Variants in CAPN15 observed in about 807,000 individuals in gnomAD.
The protein encoded by CAPN15 is calpain 15, also known as calpain-15.
Under a neutral mutation model 97.9 loss-of-function variants are expected in CAPN15, and 53 were observed. That is an observed-to-expected ratio of 0.54 (90% confidence interval 0.43 to 0.68). The LOEUF (loss-of-function observed/expected upper bound fraction) is 0.68. Ranked by LOEUF, CAPN15 falls within the 30% of genes least tolerant of loss-of-function variation. The pLI, the probability that CAPN15 is intolerant of heterozygous loss-of-function variation, is 0.00. For missense variants in CAPN15, 1,592 were observed against 1,589.8 expected (o/e 1.00, Z -0.02); for synonymous variants, 922 against 722.5 (o/e 1.28, Z -4.43).
At chr16:546,171 C>T (rs190006529) in intron 3 of CAPN15, among the ~76,000 whole-genome samples, 11 of 152,390 alleles carry the variant, frequency 7.2e-5, no homozygotes, top group Admixed American at 7.2e-4. Context: ...GTTCGCTCGG[C>T]TCCACAGAAC....
At chr16:550,271 C>T (rs555232961) in intron 7 of CAPN15, among the ~76,000 whole-genome samples, 7 of 152,326 alleles carry the variant, frequency 4.6e-5, no homozygotes, top group South Asian at 2.1e-4. Flanking sequence ...TTGAAGCTCC[C>T]GGAGCCCTCC....
chr16:553,002 G>C lies in CAPN15; in HGVS notation c.3044G>C (p.Gly1015Ala). 1 of 1,608,982 alleles carries C rather than the reference G, an allele frequency of 6.2e-7. No homozygotes were observed. The highest frequency in any genetic ancestry group is 8.5e-7 in the Non-Finnish European group (1 of 1,177,992). ...TDSFNVVSTR[G>A]SLRTQDSVPP... ...AGCTTCAACGTGGTGTCCACACGCG[G>C]CAGCCTGCGTACCCAGGATAGCGTG... Residue 1015 changes from glycine to alanine, a missense_variant, in exon 13 of 14, where the codon GGC (glycine) becomes GCC (alanine). Gly to Ala is a moderately conservative substitution (Grantham distance 60). Transcript: ENST00000219611.
chr16:530,728 G>A (rs868298361), intron 1 of CAPN15, among the ~76,000 whole-genome samples: 41 of 152,336 alleles, frequency 2.7e-4, no homozygotes, highest in South Asian at 1.4e-3. Context: ...CAGGGTGCAC[G>A]GAATGGGGTC....
chr16:553,026 TGCCACCCC>T lies in CAPN15; in HGVS notation c.3069_3076del (p.Pro1024AlafsTer35). On this transcript the variant is annotated frameshift_variant, in exon 13 of 14. Transcript: ENST00000219611. LOFTEE classifies it high-confidence loss of function. ...GGCAGCCTGCGTACCCAGGATAGCG[TGCCACCCC>T]TGCACAGGTGCGCCCCCGCCCCTGC... 1 of 1,584,322 alleles carries T rather than the reference TGCCACCCC, an allele frequency of 6.3e-7. No homozygotes were observed.
In CAPN15 at chr16:547,368, T is replaced by C; in HGVS notation, c.530T>C (p.Ile177Thr). ...GGPRRLSLPR[I>T]PPEALVVPEV... is the part of the protein sequence containing the mutation. ...CCACGCAGGCTCTCGCTGCCACGGA[T>C]CCCTCCTGAGGCCCTGGTGGTCCCG... Residue 177 changes from isoleucine (I) to threonine (T), a missense_variant, in exon 4 of 14, where the codon ATC becomes ACC. Ile to Thr is a moderately conservative substitution (Grantham distance 89). Around this residue, in one of 3 missense-constraint regions of CAPN15, gnomAD observed 883 missense variants for 776.6 expected, o/e 1.14. Coordinates refer to ENST00000219611, the MANE Select transcript of CAPN15 (RefSeq NM_005632.3). The C allele has an allele frequency of 1.3e-6, 2 of 1,552,934 alleles. No homozygotes were observed. The highest frequency in any genetic ancestry group is 1.7e-6 in the Non-Finnish European group (2 of 1,156,390).
intron 9 of CAPN15, 31 bp downstream of exon 9, chr16:551,695 G>GC: frequency 2.5e-6 from 4 of 1,576,702 alleles, no homozygotes; most frequent in Non-Finnish European, 3.4e-6. Flanking sequence ...TGTGCACGCC[G>GC]CCCCCGCCCT....
intron 1 of CAPN15, among the ~76,000 whole-genome samples, chr16:531,451 C>T (rs944430461): frequency 3.9e-5 from 6 of 152,128 alleles, no homozygotes; most frequent in Non-Finnish European, 8.8e-5. Flanking sequence ...CCCCCCACCT[C>T]CCTGTCCCCT....
intron 3 of CAPN15, chr16:538,463 G>A (rs1169391778): frequency 6.6e-6 from 1 of 152,288 alleles, no homozygotes; most frequent in Non-Finnish European, 1.5e-5. Context: ...GGATGGCAGG[G>A]TCTCCAGGGT....
intron 3 of CAPN15, chr16:537,272 G>A: frequency 2.0e-6 from 2 of 985,564 alleles, no homozygotes; most frequent in Non-Finnish European, 1.2e-6. Context: ...AAGGTTTTCT[G>A]AGTGAGCGCA....
At chr16:537,170 A>G (rs1044068135) in intron 3 of CAPN15, 12 of 985,318 alleles carry the variant, frequency 1.2e-5, no homozygotes, top group Non-Finnish European at 1.4e-5. Context: ...ACGGGAGGGG[A>G]CTGTGCTGTC....
Position 552,808 on chromosome 16 carries a change from G to T in CAPN15, c.2904+37G>T. Reference sequence around the variant, plus strand: ...TCCCGGGGGAGGGTGGCGTGGGGCAGGGGGAGTATGCCCCAGCACCTCCCC... The same window carrying T: ...TCCCGGGGGAGGGTGGCGTGGGGCATGGGGAGTATGCCCCAGCACCTCCCC... On this transcript the variant is annotated intron_variant, in intron 12 of 13. Transcript: ENST00000219611. The surrounding 1 kb of genome is among the most constrained non-coding windows in gnomAD (Gnocchi z 6.4). The T allele has an allele frequency of 6.5e-7, 1 of 1,532,546 alleles. No individual in the cohort carries two copies. The highest frequency in any genetic ancestry group is 2.4e-5 in the East Asian group (1 of 41,536). The allele number at this position is 1,532,546 out of a possible 1,614,324, so 94.9% of individuals were successfully genotyped here.
intron 3 of CAPN15, chr16:538,267 T>C (rs1229802658): frequency 6.6e-6 from 1 of 151,592 alleles, no homozygotes; most frequent in Non-Finnish European, 1.5e-5. Flanking sequence ...CTGAATTTCA[T>C]GGAACTCCCA....
At chr16:533,907 T>C (rs2033459364) in intron 1 of CAPN15, 39 bp from the exon 2 acceptor site, 1 of 974,076 alleles carries the variant, frequency 1.0e-6, no homozygotes, top group Non-Finnish European at 1.2e-6. Flanking sequence ...GTCCTCCTGG[T>C]GGAAGCTGAG....
At position 547,601 on chromosome 16, in the gene CAPN15, C is replaced by A; in HGVS notation, c.763C>A (p.Leu255Met). 6.4e-7 allele frequency: 1 copy of A among 1,574,354 alleles called. No homozygotes were observed. The highest frequency in any genetic ancestry group is 8.6e-7 in the Non-Finnish European group (1 of 1,162,090). ...CAGCCGACGCGAGGTTCCCCCCCAG[C>A]TGCAGCCACCGGTGCCTGAGGCTGC... is the stretch of plus-strand genomic sequence containing the variant. ...PRSRREVPPQ[L>M]QPPVPEAAQP... The change falls in exon 4 of 14, where the codon CTG becomes ATG. Residue 255 changes from leucine (L) to methionine (M), a missense_variant. By Grantham distance (15) the Leu-to-Met change is conservative. Coordinates refer to ENST00000219611, the MANE Select transcript of CAPN15 (RefSeq NM_005632.3).
At position 552,021 on chromosome 16, in the gene CAPN15, C is replaced by T. The variant is rs1235933170; in HGVS notation, c.2346-30C>T. On this transcript the variant is annotated intron_variant, in intron 9 of 13. Transcript: ENST00000219611. The surrounding 1 kb of genome is among the most constrained non-coding windows in gnomAD (Gnocchi z 6.4). ...CCACGGAGGTGTGGGCCGTGGTAGG[C>T]TCAGGGCCCCGTCCTCCCGCCACCT... is the stretch of plus-strand genomic sequence containing the variant. The T allele has an allele frequency of 2.6e-6, 4 of 1,544,716 alleles. No individual in the cohort carries two copies. Among genetic ancestry groups the T allele is most frequent in the South Asian group, 2.4e-5 (2 of 83,578 alleles).
intron 3 of CAPN15, among the ~76,000 whole-genome samples, chr16:542,232 A>G (rs909507330): frequency 2.0e-5 from 3 of 152,246 alleles, no homozygotes; most frequent in Non-Finnish European, 4.4e-5. Flanking sequence ...TTCTGTGGAC[A>G]ATGCTGTGAA....
rs752289121 is a variant in CAPN15, at chr16:547,797, ACAT to A, written c.963_965del (p.Ile322del). 5 of 1,612,010 alleles carry A rather than the reference ACAT, an allele frequency of 3.1e-6. No individual in the cohort carries two copies. The highest frequency in any genetic ancestry group is 4.2e-6 in the Non-Finnish European group (5 of 1,179,656). ...GCCGGCAGCTCCACCTCGGGCAGTG[ACAT>A]CATTGACCTGGCCGGAGACACCGTG... On this transcript the variant is annotated inframe_deletion, in exon 4 of 14. Coordinates refer to ENST00000219611, the MANE Select transcript of CAPN15 (RefSeq NM_005632.3).
rs1443632120 is a variant in CAPN15, at chr16:549,729, G to A, written c.1957G>A (p.Gly653Ser). The A allele has an allele frequency of 1.3e-6, 2 of 1,579,836 alleles. No homozygotes were observed. The highest frequency in any genetic ancestry group is 8.6e-7 in the Non-Finnish European group (1 of 1,163,936). Residue 653 changes from glycine (G) to serine (S), a missense_variant, in exon 7 of 14, where the codon GGC becomes AGC. Physicochemically the swap from Gly to Ser is moderately conservative, Grantham distance 56. This residue lies in a region of CAPN15 where 644 missense variants were observed against 699.6 expected (regional missense o/e 0.92). Coordinates refer to ENST00000219611, the MANE Select transcript of CAPN15 (RefSeq NM_005632.3). ...CATCGAAGGCCTGGCCACGCTCACC[G>A]GCGCCCCCTGTGAGAGCCTGGCGCT... ...RAIEGLATLTGAPCESLALQL... is the reference protein window; with the variant it reads ...RAIEGLATLTSAPCESLALQL...
rs535144065 is a variant in CAPN15, at chr16:551,983, G to A, written c.2346-68G>A. On this transcript the variant is annotated intron_variant, in intron 9 of 13. Transcript: ENST00000219611. ...GCTGGGGTCACCGGCCTGTGGTTGC[G>A]GTAGGCGCTGAGCCACGGAGGTGTG... 106 of 1,487,832 alleles carry A rather than the reference G, an allele frequency of 7.1e-5. No individual in the cohort carries two copies. The African/African-American group carries it at 1.1e-3, about 15-fold the overall frequency. 92.2% of individuals were successfully genotyped at this position (1,487,832 alleles called of 1,614,324 possible). A position where few individuals can be genotyped will look rare whatever the true frequency, so the allele number is the denominator to read the frequency against.
Sources: gnomAD v4.1 joint callset for allele counts (sites outside exome capture counted in the v4.1 genomes callset) on GRCh38, gnomAD v4.1.1 for gene constraint, gnomAD v4.1.1 regional missense constraint, Gnocchi (gnomAD v3.1) non-coding constraint, MANE v1.5 for transcripts, NCBI Gene and HGNC (gene_info 2026-07-23, HGNC 2026-07-21) for gene names.